FHIT: variants seen among roughly 807,000 people sequenced by gnomAD.
FHIT encodes fragile histidine triad diadenosine triphosphatase.
Under a neutral mutation model 17.9 loss-of-function variants are expected in FHIT, and 19 were observed. The observed-to-expected ratio is 1.06, with a 90% CI of 0.74 to 1.56. The LOEUF (loss-of-function observed/expected upper bound fraction) is 1.56, where lower values mean the gene tolerates loss of function less well. Among genes scored for constraint, FHIT ranks in the 40% most tolerant of loss-of-function variants. The pLI is 0.00. For synonymous variants in FHIT, 81 were observed against 69.7 expected, an observed-to-expected ratio of 1.16 and a Z score of -0.81; for missense variants, 248 against 189.2, an observed-to-expected ratio of 1.31 and a Z score of -1.82.
intron 5 of FHIT, among the ~76,000 whole-genome samples, chr3:60,354,119 TAATTA>T (rs1699543408): frequency 6.6e-6 from 1 of 151,998 alleles, no homozygotes; most frequent in Non-Finnish European, 1.5e-5. Flanking sequence ...TCCTATGCTA[TAATTA>T]ATTTTTATGA....
chr3:61,129,353 T>TTGCTC (rs2036701022), intron 2 of FHIT, among the ~76,000 whole-genome samples: 1 of 152,202 alleles, frequency 6.6e-6, no homozygotes, highest in Admixed American at 6.5e-5. Context: ...CGTCTGGTTT[T>TTGCTC]TGCTCTGGTT....
At position 60,011,472 on chromosome 3, in the gene FHIT, C is replaced by T. The variant is rs1056644565; in HGVS notation, c.250-72G>A. 3.2e-6 allele frequency: 4 copies of T among 1,259,722 alleles called. No homozygotes were observed. In the Admixed American group the frequency reaches 6.9e-5, roughly 22 times the overall value. The allele number at this position is 1,259,722 out of a possible 1,614,324, so 78.0% of individuals were successfully genotyped here. A position where few individuals can be genotyped will look rare whatever the true frequency, so the allele number is the denominator to read the frequency against. On this transcript the variant is annotated intron_variant, in intron 6 of 9. Coordinates refer to ENST00000492590, the MANE Select transcript of FHIT (RefSeq NM_002012.4). ...TCTCCTGCTTATTCAGAAATATCAC[C>T]CATTAATAATTTAGATGCAATTTCA...
At chr3:60,978,754 A>G (rs1344605296) in intron 3 of FHIT, among the ~76,000 whole-genome samples, 1 of 152,250 alleles carries the variant, frequency 6.6e-6, no homozygotes, top group Non-Finnish European at 1.5e-5. Context: ...GAAATGAATG[A>G]CTAAAGAGCC....
intron 5 of FHIT, among the ~76,000 whole-genome samples, chr3:60,252,954 C>T (rs1039382182): frequency 1.3e-5 from 2 of 151,400 alleles, no homozygotes; most frequent in Admixed American, 6.6e-5. Flanking sequence ...GCCGAGATAG[C>T]GCCACTGCAC....
At chr3:60,126,085 A>G (rs1705535263) in intron 5 of FHIT, among the ~76,000 whole-genome samples, 2 of 152,102 alleles carry the variant, frequency 1.3e-5, no homozygotes, top group African/African-American at 4.8e-5. Flanking sequence ...ACCAAATGAG[A>G]GGAAAAACAA....
chr3:59,765,244 C>A (rs1300319507), intron 8 of FHIT, among the ~76,000 whole-genome samples: 3 of 152,134 alleles, frequency 2.0e-5, no homozygotes, highest in Non-Finnish European at 4.4e-5. Context: ...TAAAGGACAA[C>A]GATAAAAATG....
Position 60,567,047 on chromosome 3 carries a change from T to C in FHIT, c.-17-30068A>G, listed in dbSNP as rs528742033. 1.1e-3 allele frequency among the ~76,000 whole-genome samples: 161 copies of C among 149,488 alleles called. 1 individual carries two copies. The highest frequency in any genetic ancestry group is 2.0e-3 in the Non-Finnish European group (137 of 67,290). ...TGGCCATACTGCCCAAGGTAATTTA[T>C]AGATTCAATGTCATCCCCATCAAGC... On this transcript the variant is annotated intron_variant, in intron 4 of 9. Coordinates refer to ENST00000492590, the MANE Select transcript of FHIT (RefSeq NM_002012.4).
At chr3:60,375,139 C>A (rs1157151719) in intron 5 of FHIT, among the ~76,000 whole-genome samples, 2 of 149,798 alleles carry the variant, frequency 1.3e-5, no homozygotes, top group Non-Finnish European at 3.0e-5. Context: ...ACAAAAAAAA[C>A]ACTTTCACGG....
At chr3:60,523,511 C>G (rs2035453401) in intron 5 of FHIT, among the ~76,000 whole-genome samples, 1 of 152,070 alleles carries the variant, frequency 6.6e-6, no homozygotes, top group South Asian at 2.1e-4. Context: ...AAATAGAGAT[C>G]TACAAAAGGG....
intron 3 of FHIT, among the ~76,000 whole-genome samples, chr3:61,031,993 A>T (rs769507899): frequency 2.8e-4 from 43 of 152,352 alleles, no homozygotes; most frequent in Non-Finnish European, 2.9e-5. Context: ...GAGTGAATCA[A>T]CTGGCATCAT....
intron 4 of FHIT, among the ~76,000 whole-genome samples, chr3:60,654,383 G>A (rs1384900532): frequency 6.6e-6 from 1 of 152,010 alleles, no homozygotes; most frequent in Admixed American, 6.6e-5. Flanking sequence ...GAGAGCAATG[G>A]GGACATCTCA....
At chr3:60,314,244 T>C (rs1288385127) in intron 5 of FHIT, among the ~76,000 whole-genome samples, 4 of 152,086 alleles carry the variant, frequency 2.6e-5, no homozygotes, top group Non-Finnish European at 4.4e-5. Context: ...ATAAGAGATA[T>C]AGGATTTCTT....
chr3:60,377,085 G>T (rs1700593564), intron 5 of FHIT, among the ~76,000 whole-genome samples: 1 of 152,122 alleles, frequency 6.6e-6, no homozygotes, highest in Non-Finnish European at 1.5e-5. Flanking sequence ...AAATACACAG[G>T]TGACTGAAAT....
intron 8 of FHIT, among the ~76,000 whole-genome samples, chr3:59,913,605 T>C (rs1290079151): frequency 6.6e-6 from 1 of 152,182 alleles, no homozygotes; most frequent in East Asian, 1.9e-4. Flanking sequence ...AATAGATGTA[T>C]TACTAGTCTC....
intron 3 of FHIT, among the ~76,000 whole-genome samples, chr3:61,023,398 T>C (rs2032561693): frequency 2.6e-5 from 4 of 152,082 alleles, no homozygotes; most frequent in Admixed American, 1.3e-4. Context: ...AAATCAATAT[T>C]GTGAAAATGG....
chr3:60,575,644 G>T (rs781824589), intron 4 of FHIT, among the ~76,000 whole-genome samples: 3 of 152,172 alleles, frequency 2.0e-5, no homozygotes, highest in Non-Finnish European at 4.4e-5. Flanking sequence ...ATCGGAGACA[G>T]AATTCACAGG....
intron 8 of FHIT, among the ~76,000 whole-genome samples, chr3:59,921,793 A>G (rs1220434922): frequency 6.6e-6 from 1 of 152,144 alleles, no homozygotes; most frequent in African/African-American, 2.4e-5. Context: ...GTGGTTTCAC[A>G]CTTGTATCTT....
intron 5 of FHIT, among the ~76,000 whole-genome samples, chr3:60,198,170 ACT>A (rs1702732423): frequency 6.6e-6 from 1 of 151,974 alleles, no homozygotes; most frequent in African/African-American, 2.4e-5. Flanking sequence ...GAGTTCTGAG[ACT>A]CTCCAGGTCC....
chr3:59,749,250 CTGTAACTGTA>C lies in FHIT; in HGVS notation c.*325_*334del. On this transcript the variant is annotated 3_prime_UTR_variant, in exon 10 of 10. Transcript: ENST00000492590. ...GATTGAATTTCCTTTAAAAAAGTAA[CTGTAACTGTA>C]ATAGGTTTGTTGCCTAATTCATGGC... 1 of 230,184 alleles carries C rather than the reference CTGTAACTGTA, an allele frequency of 4.3e-6. No homozygotes were observed. Among genetic ancestry groups the C allele is most frequent in the Non-Finnish European group, 8.6e-6 (1 of 116,244 alleles). 14.3% of individuals were successfully genotyped at this position (230,184 alleles called of 1,614,324 possible).
Sources: gnomAD v4.1 joint callset for allele counts (sites outside exome capture counted in the v4.1 genomes callset) on GRCh38, gnomAD v4.1.1 for gene constraint, MANE v1.5 for transcripts, NCBI Gene and HGNC (gene_info 2026-07-23, HGNC 2026-07-21) for gene names.